Variants in FNDC3A observed in about 807,000 individuals in gnomAD.
FNDC3A encodes fibronectin type-III domain-containing protein 3A.
Under a neutral mutation model 148.9 loss-of-function variants are expected in FNDC3A, and 32 were observed. The ratio of observed to expected loss-of-function variants is 0.21; its 90% CI spans 0.16 to 0.29. FNDC3A has a LOEUF of 0.29. Ranked by LOEUF, FNDC3A falls within the 10% of genes least tolerant of loss-of-function variation. The probability of loss-of-function intolerance (pLI) is 1.00; values close to 1 mark genes in which losing one functional copy is unlikely to be tolerated. For synonymous variants in FNDC3A, 472 were observed against 473.6 expected (o/e 1.00, Z 0.04); for missense variants, 1,191 against 1,452.8 (o/e 0.82, Z 2.93).
At chr13:49,009,056 G>A (rs1366818976) in intron 2 of FNDC3A, among the ~76,000 whole-genome samples, 1 of 152,092 alleles carries the variant, frequency 6.6e-6, no homozygotes, top group Non-Finnish European at 1.5e-5. Flanking sequence ...TAACAGATGG[G>A]TAATGTCATA....
intron 2 of FNDC3A, among the ~76,000 whole-genome samples, chr13:49,027,358 G>A (rs1380911157): frequency 6.6e-6 from 1 of 152,208 alleles, no homozygotes; most frequent in Admixed American, 6.5e-5. Context: ...TTCCAACGCT[G>A]TCTCCTTACA....
At chr13:49,061,391 T>C (rs868308443) in intron 2 of FNDC3A, among the ~76,000 whole-genome samples, 83 of 2,538 alleles carry the variant, frequency 0.033, 2 homozygotes, top group African/African-American at 0.13. Flanking sequence ...TCCCTTCCCT[T>C]CCCTCCCCTT....
intron 3 of FNDC3A, chr13:49,110,432 C>A: frequency 6.9e-7 from 1 of 1,452,568 alleles, no homozygotes; most frequent in Non-Finnish European, 9.7e-7. Context: ...TTCGAACATT[C>A]TGCTTTTATT....
chr13:49,064,157 A>C (rs529024373), intron 2 of FNDC3A, among the ~76,000 whole-genome samples: 1 of 152,264 alleles, frequency 6.6e-6, no homozygotes, highest in South Asian at 2.1e-4. Context: ...CCTGACAAAC[A>C]TGGTGAAACC....
intron 14 of FNDC3A, 36 bp downstream of exon 14, chr13:49,178,690 G>A: frequency 5.8e-6 from 7 of 1,205,810 alleles, no homozygotes; most frequent in Non-Finnish European, 8.2e-6. Context: ...TTTGTTCCTT[G>A]TTCCTATTCT....
intron 8 of FNDC3A, among the ~76,000 whole-genome samples, chr13:49,159,719 A>T (rs1280183816): frequency 6.6e-6 from 1 of 152,192 alleles, no homozygotes; most frequent in East Asian, 1.9e-4. Context: ...GAATGCTTCC[A>T]GTTTTTGCCC....
chr13:49,161,806 A>T (rs1884142778), intron 8 of FNDC3A, among the ~76,000 whole-genome samples: 2 of 152,118 alleles, frequency 1.3e-5, no homozygotes, highest in Admixed American at 1.3e-4. Flanking sequence ...CCTGGTGGTG[A>T]CAGAATCTCT....
At chr13:49,066,487 A>G (rs1465662419) in intron 2 of FNDC3A, among the ~76,000 whole-genome samples, 1 of 152,174 alleles carries the variant, frequency 6.6e-6, no homozygotes, top group Non-Finnish European at 1.5e-5. Flanking sequence ...TGTATGTCAC[A>G]CTGTGCTGTA....
chr13:49,202,749 G>C (rs1886478566), intron 24 of FNDC3A, among the ~76,000 whole-genome samples: 1 of 152,186 alleles, frequency 6.6e-6, no homozygotes, highest in South Asian at 2.1e-4. Context: ...ACACCTATAA[G>C]CCCAGTGCTT....
intron 13 of FNDC3A, among the ~76,000 whole-genome samples, chr13:49,176,689 A>G (rs1885047956): frequency 6.6e-6 from 1 of 152,242 alleles, no homozygotes; most frequent in South Asian, 2.1e-4. Flanking sequence ...AATACAATAA[A>G]TATTGCCACT....
intron 8 of FNDC3A, among the ~76,000 whole-genome samples, chr13:49,148,253 G>A (rs1461164344): frequency 6.6e-6 from 1 of 152,006 alleles, no homozygotes; most frequent in African/African-American, 2.4e-5. Flanking sequence ...GTTGTTGCCT[G>A]TGCTTTGGGG....
intron 2 of FNDC3A, among the ~76,000 whole-genome samples, chr13:49,032,241 C>G (rs997382546): frequency 2.0e-5 from 3 of 151,436 alleles, no homozygotes; most frequent in African/African-American, 4.8e-5. Flanking sequence ...GTTCCTAAGA[C>G]AGTTAAACAT....
chr13:49,199,354 G>A (rs1310945715), intron 23 of FNDC3A, among the ~76,000 whole-genome samples: 7 of 144,156 alleles, frequency 4.9e-5, no homozygotes, highest in African/African-American at 1.1e-4. Flanking sequence ...TTTTTGAGAC[G>A]GAGTCTCACT....
chr13:49,186,890 A>G (rs956184139), intron 15 of FNDC3A, among the ~76,000 whole-genome samples: 2 of 152,186 alleles, frequency 1.3e-5, no homozygotes, highest in Admixed American at 1.3e-4. Context: ...AAAAATAAGT[A>G]AATGGAATAT....
At chr13:49,132,567 A>G (rs1257886442) in intron 5 of FNDC3A, among the ~76,000 whole-genome samples, 1 of 152,232 alleles carries the variant, frequency 6.6e-6, no homozygotes, top group Non-Finnish European at 1.5e-5. Flanking sequence ...ACATCTAAAA[A>G]TATCTCCAGA....
chr13:49,032,130 G>T (rs1874163985), intron 2 of FNDC3A, among the ~76,000 whole-genome samples: 1 of 152,126 alleles, frequency 6.6e-6, no homozygotes, highest in East Asian at 1.9e-4. Context: ...GAATTAAAAA[G>T]ATAAAAACAA....
intron 1 of FNDC3A, among the ~76,000 whole-genome samples, chr13:48,991,816 A>C (rs1181537981): frequency 6.6e-6 from 1 of 152,242 alleles, no homozygotes; most frequent in African/African-American, 2.4e-5. Flanking sequence ...CCTGGTTAAA[A>C]TATGTCAGAA....
chr13:49,144,565 A>G (rs553673212), intron 7 of FNDC3A, among the ~76,000 whole-genome samples: 1 of 152,320 alleles, frequency 6.6e-6, no homozygotes, highest in South Asian at 2.1e-4. Context: ...ATAAATGCCT[A>G]CATATAATCT....
At chr13:49,122,999 T>A (rs1371065211) in intron 4 of FNDC3A, among the ~76,000 whole-genome samples, 1 of 152,148 alleles carries the variant, frequency 6.6e-6, no homozygotes, top group Non-Finnish European at 1.5e-5. Context: ...AAAAACTACT[T>A]TAAATTTCAT....
Sources: allele counts gnomAD v4.1 joint callset (sites outside exome capture counted in the v4.1 genomes callset), GRCh38; gene constraint gnomAD v4.1.1; transcripts MANE v1.5; gene names NCBI Gene and HGNC (gene_info 2026-07-23, HGNC 2026-07-21).